MGAT4C: variants seen among roughly 807,000 people sequenced by gnomAD.
MGAT4C encodes MGAT4 family member C, also known as alpha-1,3-mannosyl-glycoprotein 4-beta-N-acetylglucosaminyltransferase C.
A neutral mutation model predicts 40.1 loss-of-function variants in MGAT4C; 19 were observed. The observed-to-expected ratio is 0.47, with a 90% CI of 0.33 to 0.70. The LOEUF is 0.70. MGAT4C is among the 30% of genes least tolerant of loss of function. The pLI, the probability that MGAT4C is intolerant of heterozygous loss-of-function variation, is 0.02. For synonymous variants in MGAT4C, 181 were observed against 187.1 expected, an observed-to-expected ratio of 0.97 and a Z score of 0.27; for missense variants, 491 against 563.2, an observed-to-expected ratio of 0.87 and a Z score of 1.30.
intron 1 of MGAT4C, among the ~76,000 whole-genome samples, chr12:86,817,226 A>C (rs1333073284): frequency 6.6e-6 from 1 of 151,392 alleles, no homozygotes; most frequent in African/African-American, 2.4e-5. Flanking sequence ...ATTCAGTTCT[A>C]CATATTTTTA....
In MGAT4C at chr12:85,974,737, C is replaced by T. The variant is rs1225067034; in HGVS notation, c.*4552G>A. On this transcript the variant is annotated 3_prime_UTR_variant, in exon 5 of 5. Coordinates refer to ENST00000611864, the MANE Select transcript of MGAT4C (RefSeq NM_001351288.2). ...CTAATCACATTGAATTTTGTTATGGCCTTTTTCTTCCTAAAAAGAATAACC... is the reference window on the plus strand; with the variant it reads ...CTAATCACATTGAATTTTGTTATGGTCTTTTTCTTCCTAAAAAGAATAACC... 1 of 150,356 alleles carries T rather than the reference C, an allele frequency of 6.7e-6. No homozygotes were observed. The highest frequency in any genetic ancestry group is 2.4e-5 in the African/African-American group (1 of 41,196). The allele number at this position is 150,356 out of a possible 1,614,324, so 9.3% of individuals were successfully genotyped here. A position where few individuals can be genotyped will look rare whatever the true frequency, so the allele number is the denominator to read the frequency against.
chr12:86,181,980 A>AT (rs1232751100), intron 1 of MGAT4C, among the ~76,000 whole-genome samples: 12 of 152,176 alleles, frequency 7.9e-5, no homozygotes, highest in Admixed American at 4.6e-4. Flanking sequence ...CTGTTAGAAT[A>AT]TTTTTTAAAT....
intron 4 of MGAT4C, among the ~76,000 whole-genome samples, chr12:86,279,840 C>T (rs1953169626): frequency 6.6e-6 from 1 of 151,860 alleles, no homozygotes; most frequent in African/African-American, 2.4e-5. Context: ...GTTGTGTTCC[C>T]ATTGTCATTT....
intron 1 of MGAT4C, among the ~76,000 whole-genome samples, chr12:86,810,403 T>C (rs1952450309): frequency 6.6e-6 from 1 of 152,026 alleles, no homozygotes; most frequent in Non-Finnish European, 1.5e-5. Flanking sequence ...TATACTTTCC[T>C]TATTTCCAAT....
At chr12:86,030,276 T>G (rs1038033510) in intron 2 of MGAT4C, among the ~76,000 whole-genome samples, 1 of 151,780 alleles carries the variant, frequency 6.6e-6, no homozygotes, top group Non-Finnish European at 1.5e-5. Context: ...ATTTGTATGA[T>G]GTTTATGTGT....
At chr12:86,749,111 G>A (rs1951196691) in intron 1 of MGAT4C, among the ~76,000 whole-genome samples, 1 of 151,454 alleles carries the variant, frequency 6.6e-6, no homozygotes, top group Non-Finnish European at 1.5e-5. Flanking sequence ...AGCAAAAATA[G>A]CTGCAAACAA....
chr12:86,555,227 G>T (rs978232369), intron 2 of MGAT4C, among the ~76,000 whole-genome samples: 3 of 151,924 alleles, frequency 2.0e-5, no homozygotes, highest in African/African-American at 7.3e-5. Context: ...AGACTGGAAT[G>T]GGGACATATT....
rs922085907 is a variant in MGAT4C at position 86,580,714 on chromosome 12, C to A, written c.-228-145449G>T. ...AATAATTTCTTCATAGCCTTATTTT[C>A]GGTATTGAATAAGAAGACATATACC... On this transcript the variant is annotated intron_variant, in intron 2 of 7. Transcript: ENST00000548651. Among the ~76,000 whole-genome samples, 3 of 151,342 alleles carry A rather than the reference C, an allele frequency of 2.0e-5. No individual in the cohort carries two copies. The East Asian group carries it at 5.8e-4, about 29-fold the overall frequency.
chr12:86,597,341 C>T (rs1961579515), intron 2 of MGAT4C, among the ~76,000 whole-genome samples: 1 of 152,078 alleles, frequency 6.6e-6, no homozygotes, highest in Non-Finnish European at 1.5e-5. Context: ...TGATAAAGCC[C>T]AGGGGGAACC....
chr12:86,682,805 G>C (rs1322023038), intron 2 of MGAT4C, among the ~76,000 whole-genome samples: 4 of 151,952 alleles, frequency 2.6e-5, no homozygotes, highest in African/African-American at 4.8e-5. Context: ...GTAACCTCCA[G>C]TTAAAAACTT....
chr12:86,073,683 CT>C (rs1869061426), intron 1 of MGAT4C, among the ~76,000 whole-genome samples: 1 of 152,022 alleles, frequency 6.6e-6, no homozygotes, highest in Non-Finnish European at 1.5e-5. Context: ...CTGTAAAGTT[CT>C]TTGTTTTGGC....
At chr12:86,181,955 T>C (rs1056692989) in intron 1 of MGAT4C, among the ~76,000 whole-genome samples, 1 of 152,136 alleles carries the variant, frequency 6.6e-6, no homozygotes, top group African/African-American at 2.4e-5. Flanking sequence ...ATTTCCTCTA[T>C]AGTTTAATAA....
intron 2 of MGAT4C, among the ~76,000 whole-genome samples, chr12:86,031,109 A>T (rs1483690317): frequency 6.6e-6 from 1 of 150,594 alleles, no homozygotes; most frequent in East Asian, 1.9e-4. Context: ...CATTATAAAT[A>T]ATTTTTTTTT....
intron 1 of MGAT4C, among the ~76,000 whole-genome samples, chr12:86,836,615 G>T (rs1953041836): frequency 6.6e-6 from 1 of 152,038 alleles, no homozygotes; most frequent in Admixed American, 6.6e-5. Context: ...CTATGGGGAG[G>T]CAAGAGACAC....
intron 1 of MGAT4C, among the ~76,000 whole-genome samples, chr12:86,740,031 A>G (rs1951044799): frequency 6.6e-6 from 1 of 151,044 alleles, no homozygotes; most frequent in Non-Finnish European, 1.5e-5. Flanking sequence ...CCCCAAGTCC[A>G]TAACTGTTGC....
At position 85,969,736 on chromosome 12, in the gene MGAT4C, G is replaced by A. The variant is rs1883531005; in HGVS notation, c.*9553C>T. On this transcript the variant is annotated 3_prime_UTR_variant, in exon 5 of 5. Transcript: ENST00000611864. The stretch of plus-strand genomic sequence containing the variant: ...AGGAGGCAATGTATAATAGTGATAA[G>A]GGGCATAGATTTTGAATTACACAAA... The A allele has an allele frequency of 1.3e-5, 2 of 151,380 alleles. No individual in the cohort carries two copies. The highest frequency in any genetic ancestry group is 1.3e-4 in the Admixed American group (2 of 15,166). 9.4% of individuals were successfully genotyped at this position (151,380 alleles called of 1,614,324 possible). A position where few individuals can be genotyped will look rare whatever the true frequency, so the allele number is the denominator to read the frequency against.
intron 1 of MGAT4C, among the ~76,000 whole-genome samples, chr12:86,798,308 G>A (rs1162454463): frequency 6.6e-6 from 1 of 151,782 alleles, no homozygotes; most frequent in Non-Finnish European, 1.5e-5. Context: ...CATTTTCTTA[G>A]TTTGTTTTGT....
At chr12:86,204,106 A>T (rs79092262) in intron 1 of MGAT4C, among the ~76,000 whole-genome samples, 12,367 of 151,478 alleles carry the variant, frequency 0.082, 606 homozygotes, top group Middle Eastern at 0.22. Context: ...TCACAAAAAT[A>T]TATTACAAGA....
At position 86,349,005 on chromosome 12, in the gene MGAT4C, A is replaced by G. The variant is rs114638892; in HGVS notation, c.-119-14878T>C. Among the ~76,000 whole-genome samples the G allele has an allele frequency of 3.3e-3, 495 of 152,276 alleles. 2 individuals are homozygous for G. The highest frequency in any genetic ancestry group is 0.012 in the African/African-American group (482 of 41,576). On this transcript the variant is annotated intron_variant, in intron 3 of 7. Transcript: ENST00000548651. ...TGAACCACACCTACTGACTAAAATT[A>G]AGCATTTTGTTAGAATTATTCTGTT...
Sources: gnomAD v4.1 joint callset for allele counts (sites outside exome capture counted in the v4.1 genomes callset) on GRCh38, gnomAD v4.1.1 for gene constraint, MANE v1.5 for transcripts, NCBI Gene and HGNC (gene_info 2026-07-23, HGNC 2026-07-21) for gene names.